The following CACNA2D3 variants were observed in gnomAD, a reference collection of about 807,000 sequenced individuals.
CACNA2D3 encodes voltage-dependent calcium channel subunit alpha-2/delta-3.
In CACNA2D3, 60 loss-of-function variants were observed where a neutral mutation model predicts 160.6. That is an observed-to-expected ratio of 0.37 (90% CI 0.30 to 0.46). CACNA2D3 has a LOEUF of 0.46. Ranked by LOEUF, CACNA2D3 falls within the 20% of genes least tolerant of loss-of-function variation. The pLI, the probability that CACNA2D3 is intolerant of heterozygous loss-of-function variation, is 1.00. For synonymous variants in CACNA2D3, 558 were observed against 492.9 expected (o/e 1.13, Z -1.75); for missense variants, 1,205 against 1,365.0 (o/e 0.88, Z 1.85).
At chr3:54,891,562 C>CTGGGGTGGCCTAA in intron 25 of CACNA2D3, 112 bp downstream of exon 25, 1 of 804,406 alleles carries the variant, frequency 1.2e-6, no homozygotes, top group Non-Finnish European at 2.0e-6. Context: ...TAATTTAGGC[C>CTGGGGTGGCCTAA]ACCCCAGGCC....
intron 4 of CACNA2D3, among the ~76,000 whole-genome samples, chr3:54,434,703 A>C (rs913358744): frequency 6.6e-6 from 1 of 152,222 alleles, no homozygotes; most frequent in Middle Eastern, 3.2e-3. Context: ...CCACCCAACC[A>C]GGAGGGTCTC....
chr3:54,350,392 C>G (rs927676928), intron 3 of CACNA2D3, among the ~76,000 whole-genome samples: 1 of 151,690 alleles, frequency 6.6e-6, no homozygotes, highest in African/African-American at 2.4e-5. Flanking sequence ...GGTTCTATGC[C>G]AGGTCCCAAG....
intron 34 of CACNA2D3, among the ~76,000 whole-genome samples, chr3:55,012,226 A>G (rs1703226386): frequency 6.6e-6 from 1 of 152,178 alleles, no homozygotes; most frequent in Admixed American, 6.5e-5. Context: ...TGAGAGGTGA[A>G]TTAAGCAATG....
intron 14 of CACNA2D3, among the ~76,000 whole-genome samples, chr3:54,823,183 A>G (rs1001898354): frequency 2.0e-5 from 3 of 151,994 alleles, no homozygotes; most frequent in African/African-American, 7.3e-5. Context: ...TTGAAAGGAA[A>G]TAATCTCTTC....
chr3:54,968,769 A>C (rs1175311185), intron 28 of CACNA2D3, among the ~76,000 whole-genome samples: 1 of 152,144 alleles, frequency 6.6e-6, no homozygotes, highest in East Asian at 1.9e-4. Context: ...CTTCCAAAGG[A>C]GTTTTTCTTT....
chr3:54,308,261 T>A (rs1703653998), intron 2 of CACNA2D3, among the ~76,000 whole-genome samples: 1 of 152,216 alleles, frequency 6.6e-6, no homozygotes, highest in Non-Finnish European at 1.5e-5. Context: ...TCCATAGTGT[T>A]GACTTGGAGC....
In CACNA2D3 at chr3:54,420,067, A is replaced by C. The variant is rs111256338; in HGVS notation, c.381+33293A>C. Reference sequence around the variant, plus strand: ...AGGCGTGAGCTACTGCACCCGGCCTATTCAGTTTTTGTTTGTTTGTTTGTT... The same window carrying C: ...AGGCGTGAGCTACTGCACCCGGCCTCTTCAGTTTTTGTTTGTTTGTTTGTT... On this transcript the variant is annotated intron_variant, in intron 4 of 37. Transcript: ENST00000474759. Among the ~76,000 whole-genome samples the C allele has an allele frequency of 5.3e-3, 780 of 146,482 alleles. 4 individuals carry two copies. The highest frequency in any genetic ancestry group is 0.019 in the African/African-American group (727 of 39,232).
chr3:54,603,417 G>A (rs1703101177), intron 9 of CACNA2D3, among the ~76,000 whole-genome samples: 1 of 152,192 alleles, frequency 6.6e-6, no homozygotes, highest in Admixed American at 6.5e-5. Flanking sequence ...CTACCCCTCT[G>A]GGGTATCCTT....
chr3:54,555,912 A>AC (rs1702235188), intron 5 of CACNA2D3, among the ~76,000 whole-genome samples: 2 of 152,344 alleles, frequency 1.3e-5, no homozygotes, highest in African/African-American at 2.4e-5. Context: ...TACAGGTAGG[A>AC]CCCATTGACA....
At chr3:54,761,216 A>ACTC (rs576576198) in intron 12 of CACNA2D3, among the ~76,000 whole-genome samples, 1 of 151,674 alleles carries the variant, frequency 6.6e-6, no homozygotes, top group African/African-American at 2.4e-5. Context: ...ACCAAGAAGA[A>ACTC]CTCCTACAAG....
intron 4 of CACNA2D3, among the ~76,000 whole-genome samples, chr3:54,437,352 A>C (rs1700076668): frequency 6.6e-6 from 1 of 152,224 alleles, no homozygotes; most frequent in Admixed American, 6.5e-5. Flanking sequence ...CACAATGGGC[A>C]TGCTTGTTGA....
chr3:54,926,029 T>A (rs891484400), intron 27 of CACNA2D3, among the ~76,000 whole-genome samples: 1 of 152,216 alleles, frequency 6.6e-6, no homozygotes, highest in African/African-American at 2.4e-5. Context: ...TCCTTGATTC[T>A]TTTTTCTTTC....
intron 35 of CACNA2D3, among the ~76,000 whole-genome samples, chr3:55,020,988 AG>A (rs1703434800): frequency 6.6e-6 from 1 of 152,122 alleles, no homozygotes. Flanking sequence ...TTTCCTATTA[AG>A]GTCATTTTAT....
At chr3:54,518,415 T>C (rs978377577) in intron 5 of CACNA2D3, among the ~76,000 whole-genome samples, 2 of 151,654 alleles carry the variant, frequency 1.3e-5, no homozygotes, top group African/African-American at 4.8e-5. Context: ...GCACCTGGGG[T>C]TCCCCCCAGT....
intron 11 of CACNA2D3, among the ~76,000 whole-genome samples, chr3:54,739,956 A>T (rs535048241): frequency 5.3e-4 from 80 of 152,016 alleles, no homozygotes; most frequent in African/African-American, 1.9e-3. Flanking sequence ...GACCATATGG[A>T]TTTTTTCCTC....
At chr3:54,392,057 A>G (rs2106675648) in intron 4 of CACNA2D3, among the ~76,000 whole-genome samples, 1 of 152,352 alleles carries the variant, frequency 6.6e-6, no homozygotes, top group South Asian at 2.1e-4. Flanking sequence ...AGTTCCAATG[A>G]GAACAGAGTT....
chr3:54,468,864 G>A (rs376743211), intron 4 of CACNA2D3, among the ~76,000 whole-genome samples: 2 of 152,124 alleles, frequency 1.3e-5, no homozygotes, highest in Non-Finnish European at 2.9e-5. Flanking sequence ...CACTGTAGCC[G>A]GACTGCCTCT....
intron 2 of CACNA2D3, among the ~76,000 whole-genome samples, chr3:54,256,233 T>G (rs1702291360): frequency 6.6e-6 from 1 of 152,214 alleles, no homozygotes; most frequent in Non-Finnish European, 1.5e-5. Context: ...TTGTTGTACC[T>G]GGAAGAGGAA....
intron 2 of CACNA2D3, among the ~76,000 whole-genome samples, chr3:54,206,842 C>G (rs1701285156): frequency 6.6e-6 from 1 of 152,182 alleles, no homozygotes; most frequent in Admixed American, 6.5e-5. Context: ...GAAACAACCC[C>G]TAAATTTCAG....
Sources: gnomAD v4.1 joint callset for allele counts (sites outside exome capture counted in the v4.1 genomes callset) on GRCh38, gnomAD v4.1.1 for gene constraint, MANE v1.5 for transcripts, NCBI Gene and HGNC (gene_info 2026-07-23, HGNC 2026-07-21) for gene names.